AGBL4: variants seen among roughly 807,000 people sequenced by gnomAD.
The protein encoded by AGBL4 is cytosolic carboxypeptidase 6.
Under a neutral mutation model 66.4 loss-of-function variants are expected in AGBL4, and 58 were observed. The observed-to-expected ratio is 0.87, with a 90% confidence interval of 0.71 to 1.09. The LOEUF is 1.09. AGBL4 is among the 50% of genes least tolerant of loss of function. AGBL4 has a pLI of 0.00. For missense variants in AGBL4, 579 were observed against 631.0 expected (o/e 0.92, Z 0.88); for synonymous variants, 234 against 222.9 (o/e 1.05, Z -0.44).
chr1:48,710,444 G>A lies in AGBL4; in HGVS notation c.635-47203C>T, dbSNP rs79691886. On this transcript the variant is annotated intron_variant, in intron 6 of 13. Coordinates refer to ENST00000371839, the MANE Select transcript of AGBL4 (RefSeq NM_032785.4). ...AGAAATGCAGGAGCCAGAGCGTGGGGTGGTTTGCTTGTGGAGAGGAAGGCG... is the reference window on the plus strand; with the variant it reads ...AGAAATGCAGGAGCCAGAGCGTGGGATGGTTTGCTTGTGGAGAGGAAGGCG... 5.6e-4 allele frequency among the ~76,000 whole-genome samples: 85 copies of A among 152,310 alleles called. 3 individuals are homozygous for A. The East Asian group carries it at 0.015, about 27-fold the overall frequency.
intron 3 of AGBL4, among the ~76,000 whole-genome samples, chr1:49,567,011 TC>T (rs1412786315): frequency 2.6e-5 from 4 of 152,036 alleles, no homozygotes; most frequent in African/African-American, 9.7e-5. Context: ...CAGGCGCCCC[TC>T]CCCCAGCCTC....
intron 3 of AGBL4, among the ~76,000 whole-genome samples, chr1:49,256,159 T>TA (rs1034219500): frequency 6.6e-6 from 1 of 151,808 alleles, no homozygotes; most frequent in Non-Finnish European, 1.5e-5. Flanking sequence ...ACTTAAAAGT[T>TA]AAAAAACACA....
chr1:49,979,400 G>A (rs941623623), intron 1 of AGBL4, among the ~76,000 whole-genome samples: 1 of 151,650 alleles, frequency 6.6e-6, no homozygotes, highest in African/African-American at 2.4e-5. Context: ...AGCGGAGCTT[G>A]CAGTGAGCCG....
chr1:49,155,357 T>C (rs930393093), intron 4 of AGBL4, among the ~76,000 whole-genome samples: 4 of 152,168 alleles, frequency 2.6e-5, no homozygotes, highest in Non-Finnish European at 5.9e-5. Flanking sequence ...CAGTAATAGG[T>C]AAGATATATT....
chr1:49,040,755 G>A (rs995696850), intron 5 of AGBL4, among the ~76,000 whole-genome samples: 3 of 151,974 alleles, frequency 2.0e-5, no homozygotes, highest in African/African-American at 7.2e-5. Context: ...TCAGCAGATC[G>A]GCAGTTACCT....
chr1:49,217,748 T>C (rs1649200330), intron 4 of AGBL4, among the ~76,000 whole-genome samples: 1 of 152,146 alleles, frequency 6.6e-6, no homozygotes, highest in African/African-American at 2.4e-5. Flanking sequence ...CTGTCAACAT[T>C]GATAGAATCT....
At chr1:48,621,813 C>G (rs1645417463) in intron 9 of AGBL4, among the ~76,000 whole-genome samples, 1 of 151,502 alleles carries the variant, frequency 6.6e-6, no homozygotes. Flanking sequence ...AATAATTATT[C>G]TGTGGCCATT....
intron 1 of AGBL4, among the ~76,000 whole-genome samples, chr1:49,858,315 G>T (rs1646483998): frequency 6.6e-6 from 1 of 152,072 alleles, no homozygotes; most frequent in Non-Finnish European, 1.5e-5. Flanking sequence ...ACACGATGGA[G>T]CACAGTATAA....
At chr1:48,799,567 T>A (rs1175085182) in intron 6 of AGBL4, among the ~76,000 whole-genome samples, 1 of 152,202 alleles carries the variant, frequency 6.6e-6, no homozygotes, top group Non-Finnish European at 1.5e-5. Flanking sequence ...ATCCTTGTCT[T>A]GTTCTAGTTC....
At chr1:49,384,140 A>C (rs1228100048) in intron 3 of AGBL4, among the ~76,000 whole-genome samples, 3 of 152,124 alleles carry the variant, frequency 2.0e-5, no homozygotes, top group African/African-American at 7.2e-5. Context: ...GGAAACAATC[A>C]ATGGAGTAAA....
At chr1:49,886,281 T>G (rs999913938) in intron 1 of AGBL4, among the ~76,000 whole-genome samples, 2 of 152,170 alleles carry the variant, frequency 1.3e-5, no homozygotes, top group Non-Finnish European at 2.9e-5. Context: ...AGAAGCAGCA[T>G]CTATGCCTTC....
At chr1:49,100,312 T>A (rs1645177863) in intron 4 of AGBL4, among the ~76,000 whole-genome samples, 1 of 152,126 alleles carries the variant, frequency 6.6e-6, no homozygotes. Flanking sequence ...GAATCAGCCG[T>A]TGGATGTAGA....
At chr1:49,293,480 TGA>T (rs1373073374) in intron 3 of AGBL4, among the ~76,000 whole-genome samples, 4 of 152,196 alleles carry the variant, frequency 2.6e-5, no homozygotes, top group African/African-American at 9.6e-5. Flanking sequence ...AAAAATTCAT[TGA>T]GTTATTATAT....
At chr1:49,611,893 A>G (rs1388178757) in intron 3 of AGBL4, among the ~76,000 whole-genome samples, 1 of 152,226 alleles carries the variant, frequency 6.6e-6, no homozygotes, top group Admixed American at 6.5e-5. Context: ...ACAATACACT[A>G]GACCATCTTA....
chr1:49,496,579 A>C (rs755885687), intron 3 of AGBL4, among the ~76,000 whole-genome samples: 2 of 127,526 alleles, frequency 1.6e-5, no homozygotes, highest in African/African-American at 3.0e-5. Context: ...CACTTCTATG[A>C]GTTGAATTTT....
At chr1:49,846,103 C>A (rs1646135472) in intron 2 of AGBL4, 6 of 1,518,660 alleles carry the variant, frequency 4.0e-6, no homozygotes, top group Non-Finnish European at 5.5e-6. Flanking sequence ...ACCAGTGTAG[C>A]CAGAGCTCCC....
chr1:48,742,420 GAAA>G (rs963819734), intron 6 of AGBL4, among the ~76,000 whole-genome samples: 4 of 75,942 alleles, frequency 5.3e-5, no homozygotes, highest in Non-Finnish European at 1.1e-4. Context: ...AAGAAAGAAA[GAAA>G]AAAAAAAGGA....
chr1:49,431,939 G>T (rs1435537142), intron 3 of AGBL4, among the ~76,000 whole-genome samples: 1 of 152,116 alleles, frequency 6.6e-6, no homozygotes. Flanking sequence ...CTAAAAAACA[G>T]CTATTGCCCT....
intron 3 of AGBL4, among the ~76,000 whole-genome samples, chr1:49,312,200 A>G (rs982159906): frequency 6.6e-6 from 1 of 152,076 alleles, no homozygotes; most frequent in African/African-American, 2.4e-5. Flanking sequence ...GCTCTACTCC[A>G]TGAATAGGAT....
Sources: gnomAD v4.1 joint callset for allele counts (sites outside exome capture counted in the v4.1 genomes callset) on GRCh38, gnomAD v4.1.1 for gene constraint, MANE v1.5 for transcripts, NCBI Gene and HGNC (gene_info 2026-07-23, HGNC 2026-07-21) for gene names.